Variants in MAP3K9 observed in about 807,000 individuals in gnomAD.
MAP3K9 encodes the protein mitogen-activated protein kinase kinase kinase 9, also known as mixed lineage kinase 1 (tyr and ser/thr specificity).
In MAP3K9, 46 loss-of-function variants were observed where a neutral mutation model predicts 95.8. The observed-to-expected ratio is 0.48, with a 90% confidence interval of 0.38 to 0.61. The LOEUF (loss-of-function observed/expected upper bound fraction) is 0.61, where lower values mean the gene tolerates loss of function less well. Among genes scored for constraint, MAP3K9 ranks in the 20% least tolerant of loss-of-function variants. MAP3K9 has a pLI of 0.00. For synonymous variants in MAP3K9, 533 were observed against 593.8 expected (o/e 0.90, Z 1.49); for missense variants, 1,296 against 1,474.3 (o/e 0.88, Z 1.98).
At chr14:70,795,122 T>C (rs1209300346) in intron 2 of MAP3K9, among the ~76,000 whole-genome samples, 1 of 149,974 alleles carries the variant, frequency 6.7e-6, no homozygotes, top group Non-Finnish European at 1.5e-5. Flanking sequence ...GCTTCCTGAG[T>C]AGCTGGGACT....
At position 70,729,669 on chromosome 14, in the gene MAP3K9, A is replaced by G. The variant is rs993736180; in HGVS notation, c.*711T>C. 2.0e-5 allele frequency: 3 copies of G among 152,348 alleles called. No individual in the cohort carries two copies. The highest frequency in any genetic ancestry group is 1.3e-4 in the Admixed American group (2 of 15,306). The allele number at this position is 152,348 out of a possible 1,614,324, so 9.4% of individuals were successfully genotyped here. A position where few individuals can be genotyped will look rare whatever the true frequency, so the allele number is the denominator to read the frequency against. ...AAGGACATACTTCATGAACCTCTTC[A>G]TTGCAACTTTACTGTATTTTTCCTA... is the stretch of plus-strand genomic sequence containing the variant. On this transcript the variant is annotated 3_prime_UTR_variant, in exon 12 of 12. Coordinates refer to ENST00000554752, the MANE Select transcript of MAP3K9 (RefSeq NM_001284230.2).
rs1594764620 is a variant in MAP3K9 at position 70,734,379 on chromosome 14, T to C, written c.2026+7A>G. 6.2e-7 allele frequency: 1 copy of C among 1,600,192 alleles called. No individual in the cohort carries two copies. Among genetic ancestry groups the C allele is most frequent in the Non-Finnish European group, 8.6e-7 (1 of 1,167,312 alleles). ...CAGCCAAGACTCTCAAGAGGAGCTA[T>C]GCTTACCCATCTCCATAAGGCTGGT... On this transcript the variant is annotated splice_region_variant and intron_variant, in intron 10 of 11. Coordinates refer to ENST00000554752, the MANE Select transcript of MAP3K9 (RefSeq NM_001284230.2).
Position 70,726,801 on chromosome 14 carries a change from G to C in MAP3K9, c.*3579C>G, listed in dbSNP as rs890073041. The C allele has an allele frequency of 6.6e-6, 1 of 152,276 alleles. No individual in the cohort carries two copies. The highest frequency in any genetic ancestry group is 2.4e-5 in the African/African-American group (1 of 41,466). The allele number at this position is 152,276 out of a possible 1,614,324, so 9.4% of individuals were successfully genotyped here. ...CTTCAGCGATTCATCCTGTATAGAT[G>C]AAAGAAGCTTCCTCTAGGAGCTGGC... On this transcript the variant is annotated 3_prime_UTR_variant, in exon 12 of 12. Coordinates refer to ENST00000554752, the MANE Select transcript of MAP3K9 (RefSeq NM_001284230.2).
chr14:70,808,628 G>C, intron 1 of MAP3K9, 138 bp downstream of exon 1: 1 of 506,114 alleles, frequency 2.0e-6, no homozygotes, highest in South Asian at 2.3e-5. Context: ...GCCTAAGCGC[G>C]CGCCACCCAC....
At chr14:70,765,535 C>T (rs1265134665) in intron 2 of MAP3K9, 1 of 646,148 alleles carries the variant, frequency 1.5e-6, no homozygotes. Flanking sequence ...TTTTACTGTA[C>T]CTTTTCTACG....
chr14:70,745,292 AC>A (rs1462391947), intron 5 of MAP3K9, among the ~76,000 whole-genome samples: 1 of 152,224 alleles, frequency 6.6e-6, no homozygotes, highest in Non-Finnish European at 1.5e-5. Context: ...GAGCTAGAAA[AC>A]AAGCATGTGA....
chr14:70,798,352 C>G (rs959242275), intron 2 of MAP3K9, among the ~76,000 whole-genome samples: 1 of 150,772 alleles, frequency 6.6e-6, no homozygotes, highest in Non-Finnish European at 1.5e-5. Context: ...GCCTACTTCT[C>G]TCAACATGAT....
At chr14:70,738,203 C>T (rs1360207634) in intron 8 of MAP3K9, 42 bp downstream of exon 8, 3 of 1,562,306 alleles carry the variant, frequency 1.9e-6, no homozygotes, top group Non-Finnish European at 8.7e-7. Flanking sequence ...ATGGTACATC[C>T]ATCTTCAAGA....
At chr14:70,751,712 C>A (rs2054230553) in intron 3 of MAP3K9, among the ~76,000 whole-genome samples, 1 of 152,164 alleles carries the variant, frequency 6.6e-6, no homozygotes, top group African/African-American at 2.4e-5. Flanking sequence ...GAGCAAGACT[C>A]TGTCTCAAAG....
At position 70,726,301 on chromosome 14, in the gene MAP3K9, C is replaced by G. The variant is rs2053820132; in HGVS notation, c.*4079G>C. 1 of 152,248 alleles carries G rather than the reference C, an allele frequency of 6.6e-6. No individual in the cohort carries two copies. The highest frequency in any genetic ancestry group is 6.5e-5 in the Admixed American group (1 of 15,286). 9.4% of individuals were successfully genotyped at this position (152,248 alleles called of 1,614,324 possible). The stretch of plus-strand genomic sequence containing the variant: ...TGGGGTATCTCATTGTGTCCCTGAG[C>G]AACAGTAGCCTGAGGGAAAGGGGGC... On this transcript the variant is annotated 3_prime_UTR_variant, in exon 12 of 12. Transcript: ENST00000554752.
chr14:70,797,918 C>G (rs955449903), intron 2 of MAP3K9, among the ~76,000 whole-genome samples: 1 of 152,146 alleles, frequency 6.6e-6, no homozygotes, highest in African/African-American at 2.4e-5. Flanking sequence ...TCAACATCAG[C>G]GCCAACCATG....
At chr14:70,768,255 T>C (rs953259189) in intron 2 of MAP3K9, among the ~76,000 whole-genome samples, 1 of 152,050 alleles carries the variant, frequency 6.6e-6, no homozygotes, top group African/African-American at 2.4e-5. Context: ...CAATATCTCA[T>C]GTACCCCAAA....
intron 2 of MAP3K9, among the ~76,000 whole-genome samples, chr14:70,762,470 T>C (rs1328481211): frequency 6.6e-6 from 1 of 152,242 alleles, no homozygotes; most frequent in Non-Finnish European, 1.5e-5. Context: ...CATTGTGGTT[T>C]GGGTTTGCAT....
At chr14:70,771,001 G>A (rs1278572534) in intron 2 of MAP3K9, among the ~76,000 whole-genome samples, 2 of 151,672 alleles carry the variant, frequency 1.3e-5, no homozygotes, top group African/African-American at 4.8e-5. Flanking sequence ...AGAAAAGGCA[G>A]TCAAGTGGCT....
At chr14:70,742,867 C>T (rs1323901229) in intron 5 of MAP3K9, among the ~76,000 whole-genome samples, 9 of 150,190 alleles carry the variant, frequency 6.0e-5, no homozygotes, top group Non-Finnish European at 7.4e-5. Flanking sequence ...AGTTTCTAGT[C>T]GCTCCTTCCT....
At chr14:70,794,194 A>C (rs1470952599) in intron 2 of MAP3K9, among the ~76,000 whole-genome samples, 1 of 152,232 alleles carries the variant, frequency 6.6e-6, no homozygotes. Context: ...GAAGAAGAGA[A>C]GGCAGCAAAG....
At chr14:70,792,389 C>T (rs915041295) in intron 2 of MAP3K9, among the ~76,000 whole-genome samples, 1 of 152,178 alleles carries the variant, frequency 6.6e-6, no homozygotes, top group Non-Finnish European at 1.5e-5. Context: ...TCAGAAGTAC[C>T]TGAGCCAGGT....
intron 2 of MAP3K9, among the ~76,000 whole-genome samples, chr14:70,794,983 T>C (rs1446702700): frequency 1.4e-5 from 2 of 142,238 alleles, no homozygotes; most frequent in South Asian, 2.3e-4. Context: ...AGCCTCTTTT[T>C]CTTTTCCTTT....
chr14:70,722,940 A>G lies in MAP3K9; in HGVS notation c.*7440T>C, dbSNP rs1002639441. Reference sequence around the variant, plus strand: ...TTAAAAGCCCTAAGGGGGAGGAAAAATCCCAAAGAAAGCTTTTCTGTGAAC... The same window carrying G: ...TTAAAAGCCCTAAGGGGGAGGAAAAGTCCCAAAGAAAGCTTTTCTGTGAAC... On this transcript the variant is annotated 3_prime_UTR_variant, in exon 12 of 12. Coordinates refer to ENST00000554752, the MANE Select transcript of MAP3K9 (RefSeq NM_001284230.2). 1 of 152,198 alleles carries G rather than the reference A, an allele frequency of 6.6e-6. No individual in the cohort carries two copies. Among genetic ancestry groups the G allele is most frequent in the Non-Finnish European group, 1.5e-5 (1 of 68,036 alleles). 9.4% of individuals were successfully genotyped at this position (152,198 alleles called of 1,614,324 possible).
Sources: gnomAD v4.1 joint callset for allele counts (sites outside exome capture counted in the v4.1 genomes callset) on GRCh38, gnomAD v4.1.1 for gene constraint, MANE v1.5 for transcripts, NCBI Gene and HGNC (gene_info 2026-07-23, HGNC 2026-07-21) for gene names.